Variants in TBC1D5 observed in about 807,000 individuals in gnomAD.
TBC1D5 encodes the protein TBC1 domain family, member 5.
TBC1D5 carries 75 observed loss-of-function variants against 100.3 expected under a neutral mutation model. The ratio of observed to expected loss-of-function variants is 0.75; its 90% CI spans 0.62 to 0.91. The LOEUF (loss-of-function observed/expected upper bound fraction) is 0.91. TBC1D5 is among the 40% of genes least tolerant of loss of function. TBC1D5 has a pLI of 0.00. For missense variants in TBC1D5, 910 were observed against 942.4 expected (o/e 0.97, Z 0.45); for synonymous variants, 323 against 325.6 (o/e 0.99, Z 0.09).
chr3:17,428,556 T>C, intron 3 of TBC1D5, 37 bp from the exon 4 acceptor site: 1 of 1,181,330 alleles, frequency 8.5e-7, no homozygotes, highest in Non-Finnish European at 1.2e-6. Flanking sequence ...ATAATGGAGA[T>C]AAACTGAATA....
chr3:17,365,906 CT>C (rs1304000178), intron 13 of TBC1D5, among the ~76,000 whole-genome samples: 1 of 152,166 alleles, frequency 6.6e-6, no homozygotes, highest in Non-Finnish European at 1.5e-5. Context: ...ACTATTTAAT[CT>C]AAATAAGGCT....
chr3:17,333,504 G>C (rs2087186917), intron 13 of TBC1D5: 1 of 152,100 alleles, frequency 6.6e-6, no homozygotes, highest in African/African-American at 2.4e-5. Context: ...AAATACAATA[G>C]AGATGAGAAA....
At chr3:17,452,186 A>G (rs1411468721) in intron 3 of TBC1D5, among the ~76,000 whole-genome samples, 1 of 152,236 alleles carries the variant, frequency 6.6e-6, no homozygotes, top group Admixed American at 6.5e-5. Flanking sequence ...ATAAAAAGCA[A>G]GAACTGAAAT....
intron 3 of TBC1D5, among the ~76,000 whole-genome samples, chr3:17,460,762 TAA>T (rs574970085): frequency 6.9e-6 from 1 of 145,074 alleles, no homozygotes; most frequent in African/African-American, 2.5e-5. Flanking sequence ...TTATGACGGT[TAA>T]AAAAAAAAAG....
chr3:17,455,293 T>C (rs58745865), intron 3 of TBC1D5, among the ~76,000 whole-genome samples: 798 of 133,086 alleles, frequency 6.0e-3, no homozygotes, highest in African/African-American at 0.024. Flanking sequence ...TATATGTATA[T>C]ATGTATGTAT....
chr3:17,674,032 C>T (rs6577616), intron 1 of TBC1D5, among the ~76,000 whole-genome samples: 86,691 of 151,918 alleles, frequency 0.57, 25,558 homozygotes, highest in East Asian at 0.99. Context: ...CCTGGGGGAA[C>T]CTGTCACTTC....
At position 17,401,294 on chromosome 3, in the gene TBC1D5, T is replaced by A; in HGVS notation, c.509+1887A>T. 1.4e-5 allele frequency among the ~76,000 whole-genome samples: 2 copies of A among 146,590 alleles called. 1 individual carries two copies. The highest frequency in any genetic ancestry group is 3.0e-5 in the Non-Finnish European group (2 of 67,122). The stretch of plus-strand genomic sequence containing the variant: ...TGTGTATAATACACATATATATGTA[T>A]GTGTATAATACACATATATATGTAT... On this transcript the variant is annotated intron_variant, in intron 8 of 21. Transcript: ENST00000253692.
intron 18 of TBC1D5, among the ~76,000 whole-genome samples, chr3:17,186,821 A>G (rs559803966): frequency 6.6e-6 from 1 of 151,530 alleles, no homozygotes; most frequent in East Asian, 2.0e-4. Context: ...TGTCGACTGT[A>G]GGATTTACAA....
chr3:17,676,194 A>G (rs892955249), intron 1 of TBC1D5, among the ~76,000 whole-genome samples: 1 of 152,204 alleles, frequency 6.6e-6, no homozygotes, highest in African/African-American at 2.4e-5. Flanking sequence ...GATTAAAATA[A>G]GAAATAATTT....
rs565611422 is a variant in TBC1D5 at position 17,693,671 on chromosome 3, C to T, written c.-101+45672G>A. Among the ~76,000 whole-genome samples the T allele has an allele frequency of 1.4e-4, 21 of 152,380 alleles. No homozygotes were observed. The South Asian group carries it at 3.7e-3, about 27-fold the overall frequency. On this transcript the variant is annotated intron_variant, in intron 1 of 21. Transcript: ENST00000253692. The stretch of plus-strand genomic sequence containing the variant: ...ACACAGGCCTTAGCTGGACAAAAGG[C>T]AGCAGACAACTTCTGCAGATTTAAA...
chr3:17,391,764 G>C (rs901087932), intron 8 of TBC1D5, among the ~76,000 whole-genome samples: 4 of 152,020 alleles, frequency 2.6e-5, no homozygotes, highest in African/African-American at 4.8e-5. Flanking sequence ...GAGGAAAGGG[G>C]TTCCTTATTA....
chr3:17,484,170 C>A (rs956717206), intron 3 of TBC1D5, among the ~76,000 whole-genome samples: 3 of 152,084 alleles, frequency 2.0e-5, no homozygotes, highest in Non-Finnish European at 4.4e-5. Context: ...GGAACAGAAA[C>A]TGAAGTTCAA....
At chr3:17,278,632 T>C (rs2080266856) in intron 15 of TBC1D5, among the ~76,000 whole-genome samples, 2 of 152,188 alleles carry the variant, frequency 1.3e-5, no homozygotes, top group Non-Finnish European at 2.9e-5. Context: ...TTGAGACTGA[T>C]ACTCTGGAAA....
At chr3:17,690,204 A>ATTTTTTT (rs1199260338) in intron 1 of TBC1D5, among the ~76,000 whole-genome samples, 6 of 47,030 alleles carry the variant, frequency 1.3e-4, no homozygotes, top group African/African-American at 2.8e-4. Flanking sequence ...AAATAGCCAT[A>ATTTTTTT]TTTTTTTTTT....
intron 2 of TBC1D5, among the ~76,000 whole-genome samples, chr3:17,513,893 C>T (rs1189807091): frequency 6.6e-6 from 1 of 152,052 alleles, no homozygotes; most frequent in Admixed American, 6.5e-5. Flanking sequence ...TACGTTTTCA[C>T]AATTAAGAGA....
At chr3:17,513,619 A>G (rs1306027471) in intron 2 of TBC1D5, among the ~76,000 whole-genome samples, 1 of 152,218 alleles carries the variant, frequency 6.6e-6, no homozygotes, top group Non-Finnish European at 1.5e-5. Flanking sequence ...TCATATAAGC[A>G]TACTTCATTC....
At chr3:17,326,087 A>T (rs2086099827) in intron 13 of TBC1D5, among the ~76,000 whole-genome samples, 1 of 152,212 alleles carries the variant, frequency 6.6e-6, no homozygotes, top group African/African-American at 2.4e-5. Flanking sequence ...AAGGAAGAAA[A>T]GAATATTAAA....
intron 1 of TBC1D5, among the ~76,000 whole-genome samples, chr3:17,714,821 CT>C (rs764185103): frequency 1.3e-5 from 2 of 152,220 alleles, no homozygotes; most frequent in Middle Eastern, 3.4e-3. Flanking sequence ...ACAAAATGTA[CT>C]GTTACAACCT....
At chr3:17,539,496 C>T (rs2096325778) in intron 2 of TBC1D5, among the ~76,000 whole-genome samples, 1 of 152,130 alleles carries the variant, frequency 6.6e-6, no homozygotes, top group Non-Finnish European at 1.5e-5. Flanking sequence ...CAAAATACTA[C>T]AATTTCTTCC....
Sources: allele counts gnomAD v4.1 joint callset (sites outside exome capture counted in the v4.1 genomes callset), GRCh38; gene constraint gnomAD v4.1.1; transcripts MANE v1.5; gene names NCBI Gene and HGNC (gene_info 2026-07-23, HGNC 2026-07-21).